Variants in SCLT1 observed in about 807,000 individuals in gnomAD.
SCLT1 encodes sodium channel and clathrin linker 1.
In SCLT1, 78 loss-of-function variants were observed where a neutral mutation model predicts 112.8. The observed-to-expected ratio is 0.69, with a 90% confidence interval of 0.58 to 0.83. SCLT1 has a LOEUF of 0.83. Among genes scored for constraint, SCLT1 ranks in the 40% least tolerant of loss-of-function variants. The pLI, the probability that SCLT1 is intolerant of heterozygous loss-of-function variation, is 0.00. For missense variants in SCLT1, 747 were observed against 770.4 expected, an observed-to-expected ratio of 0.97 and a Z score of 0.36; for synonymous variants, 257 against 254.7, an observed-to-expected ratio of 1.01 and a Z score of -0.09.
intron 6 of SCLT1, among the ~76,000 whole-genome samples, chr4:129,002,499 T>C (rs1035831737): frequency 1.3e-5 from 2 of 151,832 alleles, no homozygotes; most frequent in Non-Finnish European, 2.9e-5. Context: ...CACTGAAAAA[T>C]ACAAATTTAG....
At chr4:129,058,268 T>C (rs1288255669) in intron 2 of SCLT1, among the ~76,000 whole-genome samples, 1 of 152,228 alleles carries the variant, frequency 6.6e-6, no homozygotes, top group Non-Finnish European at 1.5e-5. Flanking sequence ...TACTATTTTT[T>C]GTGTTTGATT....
At chr4:129,019,599 AC>A (rs1277562668) in intron 5 of SCLT1, among the ~76,000 whole-genome samples, 1 of 151,164 alleles carries the variant, frequency 6.6e-6, no homozygotes, top group Non-Finnish European at 1.5e-5. Flanking sequence ...GAAGGCAGGC[AC>A]CCCAGCAGCC....
intron 6 of SCLT1, among the ~76,000 whole-genome samples, chr4:129,000,114 G>A (rs957889832): frequency 2.0e-5 from 3 of 151,766 alleles, no homozygotes; most frequent in African/African-American, 7.3e-5. Flanking sequence ...AGAAACTGAT[G>A]AAGAAGAAAA....
downstream of SCLT1, among the ~76,000 whole-genome samples, chr4:128,881,294 TG>T (rs1451891974): frequency 2.6e-5 from 4 of 152,188 alleles, no homozygotes; most frequent in Admixed American, 6.5e-5. Flanking sequence ...AAATTTATTT[TG>T]AAAAAAATGA....
At chr4:128,952,356 A>C in intron 14 of SCLT1, 1 of 458,500 alleles carries the variant, frequency 2.2e-6, no homozygotes, top group South Asian at 1.5e-5. Flanking sequence ...TAGCCACACA[A>C]GTATTCTTTT....
At chr4:128,969,234 A>C (rs1740466287) in intron 10 of SCLT1, among the ~76,000 whole-genome samples, 1 of 152,016 alleles carries the variant, frequency 6.6e-6, no homozygotes. Flanking sequence ...TTTGGCTCTC[A>C]CTTTTTCTGT....
chr4:129,046,961 T>A (rs973904580), intron 2 of SCLT1, among the ~76,000 whole-genome samples: 2 of 152,134 alleles, frequency 1.3e-5, no homozygotes, highest in South Asian at 2.1e-4. Flanking sequence ...CCCTCTTTTG[T>A]GAAGTGACCT....
intron 2 of SCLT1, among the ~76,000 whole-genome samples, chr4:129,053,556 G>GTTTTTTTTT (rs1749035905): frequency 6.2e-5 from 2 of 32,418 alleles, no homozygotes; most frequent in African/African-American, 2.6e-4. Context: ...TGCAATCCCT[G>GTTTTTTTTT]ATTTTTTTTT....
At chr4:128,944,075 T>G (rs917878740) in intron 16 of SCLT1, among the ~76,000 whole-genome samples, 3 of 152,152 alleles carry the variant, frequency 2.0e-5, no homozygotes, top group Non-Finnish European at 2.9e-5. Context: ...CTGCCAGTGC[T>G]TTGGGTGAAC....
intron 2 of SCLT1, 130 bp downstream of exon 2, chr4:129,082,176 A>T (rs570857265): frequency 7.1e-6 from 3 of 423,810 alleles, no homozygotes; most frequent in South Asian, 1.3e-4. Context: ...TTCTATTGTC[A>T]AAAGATTTAC....
chr4:129,023,240 A>G (rs747932065), intron 5 of SCLT1, among the ~76,000 whole-genome samples: 1 of 152,210 alleles, frequency 6.6e-6, no homozygotes, highest in Non-Finnish European at 1.5e-5. Flanking sequence ...TGCCTTAACT[A>G]ATGTGCAAAA....
At chr4:129,039,898 G>A (rs566918014) in intron 4 of SCLT1, 7 of 241,576 alleles carry the variant, frequency 2.9e-5, no homozygotes, top group South Asian at 8.8e-5. Context: ...GTGTGCGCGC[G>A]CGCACACACA....
chr4:128,948,161 C>T (rs1190006694), intron 15 of SCLT1, among the ~76,000 whole-genome samples: 1 of 151,276 alleles, frequency 6.6e-6, no homozygotes. Flanking sequence ...TGGTGAAACC[C>T]CATCTCTACT....
intron 2 of SCLT1, among the ~76,000 whole-genome samples, chr4:129,067,513 G>C (rs1750596644): frequency 6.6e-6 from 1 of 151,728 alleles, no homozygotes; most frequent in East Asian, 1.9e-4. Context: ...AGATTAAGAA[G>C]TTTTATTTGT....
chr4:128,907,128 CT>C (rs1734750682), intron 18 of SCLT1, among the ~76,000 whole-genome samples: 1 of 131,932 alleles, frequency 7.6e-6, no homozygotes, highest in Non-Finnish European at 1.5e-5. Flanking sequence ...CAGAGTGTTA[CT>C]AGGAGGTGGG....
At chr4:128,926,587 G>A (rs1736315074) in intron 18 of SCLT1, among the ~76,000 whole-genome samples, 1 of 152,086 alleles carries the variant, frequency 6.6e-6, no homozygotes, top group South Asian at 2.1e-4. Flanking sequence ...CATAAGGAAA[G>A]TAGTCCCAGA....
intron 20 of SCLT1, among the ~76,000 whole-genome samples, chr4:128,888,290 C>T (rs1733044776): frequency 6.6e-6 from 1 of 151,520 alleles, no homozygotes; most frequent in Non-Finnish European, 1.5e-5. Flanking sequence ...AAACGTGGCT[C>T]ACTGCAGCTT....
chr4:128,993,611 A>G (rs1462692810), intron 8 of SCLT1, among the ~76,000 whole-genome samples: 1 of 152,084 alleles, frequency 6.6e-6, no homozygotes, highest in Non-Finnish European at 1.5e-5. Context: ...ATGACCATAA[A>G]GAAAATTATG....
At chr4:128,896,899 C>T (rs933956116) in intron 18 of SCLT1, among the ~76,000 whole-genome samples, 9 of 152,150 alleles carry the variant, frequency 5.9e-5, no homozygotes, top group East Asian at 1.9e-4. Context: ...GTAGCCGATT[C>T]GATCAACTGG....
Sources: allele counts gnomAD v4.1 joint callset (sites outside exome capture counted in the v4.1 genomes callset), GRCh38; gene constraint gnomAD v4.1.1; transcripts MANE v1.5; gene names NCBI Gene and HGNC (gene_info 2026-07-23, HGNC 2026-07-21).